The following DPP10 variants were observed in gnomAD, a reference collection of about 807,000 sequenced individuals.
The protein encoded by DPP10 is dipeptidyl peptidase like 10.
A neutral mutation model predicts 120.9 loss-of-function variants in DPP10; 33 were observed. That is an observed-to-expected ratio of 0.27 (90% CI 0.21 to 0.37). The LOEUF (loss-of-function observed/expected upper bound fraction) is 0.37. Ranked by LOEUF, DPP10 falls within the 10% of genes least tolerant of loss-of-function variation. The pLI is 1.00. For synonymous variants in DPP10, 337 were observed against 326.1 expected (o/e 1.03, Z -0.36); for missense variants, 816 against 942.8 (o/e 0.87, Z 1.76).
At chr2:114,737,227 A>T (rs1487896943) in intron 1 of DPP10, among the ~76,000 whole-genome samples, 1 of 152,160 alleles carries the variant, frequency 6.6e-6, no homozygotes, top group Non-Finnish European at 1.5e-5. Context: ...AAGCAGACAC[A>T]TCTCCAAAAA....
intron 1 of DPP10, among the ~76,000 whole-genome samples, chr2:114,542,263 G>T (rs1331154538): frequency 1.3e-5 from 2 of 151,766 alleles, no homozygotes; most frequent in East Asian, 3.9e-4. Context: ...GGCCAGGCTG[G>T]TCTCGAACTC....
chr2:114,716,292 A>G (rs2105887280), intron 1 of DPP10, among the ~76,000 whole-genome samples: 1 of 152,332 alleles, frequency 6.6e-6, no homozygotes, highest in Non-Finnish European at 1.5e-5. Flanking sequence ...TTGGTCATGT[A>G]TGACTTGGTG....
chr2:115,776,520 G>A (rs577880604), intron 13 of DPP10, among the ~76,000 whole-genome samples: 1 of 152,022 alleles, frequency 6.6e-6, no homozygotes, highest in Non-Finnish European at 1.5e-5. Flanking sequence ...ATCATTGATG[G>A]GTATTTGGGT....
At chr2:114,941,856 G>A (rs1696925854) in intron 1 of DPP10, among the ~76,000 whole-genome samples, 2 of 152,190 alleles carry the variant, frequency 1.3e-5, no homozygotes, top group Admixed American at 1.3e-4. Flanking sequence ...GAAACATGAG[G>A]ACGTGGTAAA....
At chr2:115,182,115 T>A (rs930454056) in intron 1 of DPP10, among the ~76,000 whole-genome samples, 1 of 152,194 alleles carries the variant, frequency 6.6e-6, no homozygotes, top group African/African-American at 2.4e-5. Context: ...ATATATTTAT[T>A]TGAGAATAAA....
intron 1 of DPP10, among the ~76,000 whole-genome samples, chr2:115,120,197 G>A (rs1190458748): frequency 6.6e-6 from 1 of 152,204 alleles, no homozygotes; most frequent in African/African-American, 2.4e-5. Context: ...TACAGGCCAA[G>A]GAGGCTTTTG....
At chr2:115,440,639 G>GA (rs2071950947) in intron 3 of DPP10, among the ~76,000 whole-genome samples, 2 of 152,212 alleles carry the variant, frequency 1.3e-5, no homozygotes, top group African/African-American at 4.8e-5. Context: ...TTAGGAAGGG[G>GA]AGGGGGACTC....
chr2:115,240,009 A>C (rs183378888), intron 1 of DPP10, among the ~76,000 whole-genome samples: 19 of 152,284 alleles, frequency 1.2e-4, no homozygotes, highest in African/African-American at 3.8e-4. Context: ...TCATTGATGG[A>C]CATTAGAGTT....
At chr2:115,733,381 G>A (rs1230070185) in intron 8 of DPP10, among the ~76,000 whole-genome samples, 1 of 152,174 alleles carries the variant, frequency 6.6e-6, no homozygotes, top group Non-Finnish European at 1.5e-5. Flanking sequence ...TATCAGTAGT[G>A]CTGAGTCTCC....
intron 1 of DPP10, among the ~76,000 whole-genome samples, chr2:114,799,646 C>T (rs977226545): frequency 1.3e-5 from 2 of 152,052 alleles, no homozygotes; most frequent in African/African-American, 4.8e-5. Context: ...ATCTGAGGTT[C>T]GTCTGTGATC....
At chr2:115,210,409 C>T (rs1014940327) in intron 1 of DPP10, among the ~76,000 whole-genome samples, 23 of 152,250 alleles carry the variant, frequency 1.5e-4, no homozygotes, top group Middle Eastern at 3.4e-3. Context: ...TTTTCTTTAT[C>T]CAGTCTATCA....
chr2:114,949,722 T>G (rs1363073666), intron 1 of DPP10, among the ~76,000 whole-genome samples: 1 of 152,166 alleles, frequency 6.6e-6, no homozygotes, highest in East Asian at 1.9e-4. Context: ...TTCTGTTTGG[T>G]CTCTCTCAGT....
chr2:115,233,849 C>T (rs2057863422), intron 1 of DPP10: 2 of 474,590 alleles, frequency 4.2e-6, no homozygotes, highest in Non-Finnish European at 8.4e-6. Context: ...GCAGGCTTTT[C>T]CCCATCTTCC....
chr2:115,554,607 A>G (rs1441798696), intron 5 of DPP10, among the ~76,000 whole-genome samples: 5 of 152,096 alleles, frequency 3.3e-5, no homozygotes, highest in African/African-American at 9.7e-5. Flanking sequence ...ATAATCTCAT[A>G]CCCCAAAGGT....
At chr2:114,665,997 C>A (rs1697894568) in intron 1 of DPP10, among the ~76,000 whole-genome samples, 1 of 152,172 alleles carries the variant, frequency 6.6e-6, no homozygotes, top group South Asian at 2.1e-4. Context: ...CCCATCGGGT[C>A]AGAACCTCGA....
chr2:114,722,474 C>T (rs1701757859), intron 1 of DPP10, among the ~76,000 whole-genome samples: 1 of 151,864 alleles, frequency 6.6e-6, no homozygotes, highest in Admixed American at 6.6e-5. Context: ...TAGAAAAACT[C>T]AGATCTTAAA....
intron 1 of DPP10, among the ~76,000 whole-genome samples, chr2:114,523,408 G>A (rs1192001450): frequency 2.0e-5 from 3 of 152,210 alleles, no homozygotes; most frequent in Non-Finnish European, 4.4e-5. Flanking sequence ...ACCCACAGCA[G>A]CAGGGGTCTG....
intron 1 of DPP10, among the ~76,000 whole-genome samples, chr2:115,225,338 G>C (rs563922348): frequency 6.6e-6 from 1 of 152,242 alleles, no homozygotes; most frequent in African/African-American, 2.4e-5. Context: ...CTGCTGGGGT[G>C]CAACGTGAGA....
chr2:114,779,866 G>A (rs547693244), intron 1 of DPP10, among the ~76,000 whole-genome samples: 1 of 152,268 alleles, frequency 6.6e-6, no homozygotes, highest in African/African-American at 2.4e-5. Flanking sequence ...GCTGAGCACG[G>A]TGGCTCACGC....
Sources: gnomAD v4.1 joint callset for allele counts (sites outside exome capture counted in the v4.1 genomes callset) on GRCh38, gnomAD v4.1.1 for gene constraint, MANE v1.5 for transcripts, NCBI Gene and HGNC (gene_info 2026-07-23, HGNC 2026-07-21) for gene names.